The following BABAM2 variants were observed in gnomAD, a reference collection of about 807,000 sequenced individuals.
BABAM2 encodes BRISC and BRCA1 A complex member 2, also known as BRISC and BRCA1-A complex member 2.
A neutral mutation model predicts 54.7 loss-of-function variants in BABAM2; 31 were observed. That is an observed-to-expected ratio of 0.57 (90% CI 0.43 to 0.77). The LOEUF is 0.77. Among genes scored for constraint, BABAM2 ranks in the 30% least tolerant of loss-of-function variants. BABAM2 has a pLI of 0.00. For synonymous variants in BABAM2, 167 were observed against 162.9 expected (o/e 1.03, Z -0.19); for missense variants, 364 against 455.8 (o/e 0.80, Z 1.83).
At chr2:28,309,489 C>T (rs1005559725) in intron 11 of BABAM2, 9 of 152,110 alleles carry the variant, frequency 5.9e-5, no homozygotes, top group African/African-American at 1.9e-4. Context: ...CTGCCTACTA[C>T]GTGGGATAAT....
chr2:28,106,412 T>C (rs1667529866), intron 6 of BABAM2, among the ~76,000 whole-genome samples: 1 of 152,166 alleles, frequency 6.6e-6, no homozygotes, highest in African/African-American at 2.4e-5. Context: ...GGTTCAGAAT[T>C]CAGTTTAGAA....
intron 7 of BABAM2, among the ~76,000 whole-genome samples, chr2:28,184,507 T>C (rs1280959312): frequency 7.7e-6 from 1 of 129,728 alleles, no homozygotes; most frequent in Non-Finnish European, 1.6e-5. Flanking sequence ...GGCCCCGGTA[T>C]GTGATGTTCC....
intron 6 of BABAM2, among the ~76,000 whole-genome samples, chr2:28,082,534 C>G (rs1015991804): frequency 6.6e-6 from 1 of 152,138 alleles, no homozygotes; most frequent in African/African-American, 2.4e-5. Flanking sequence ...AATCTAATAC[C>G]TGTCTCACAG....
In BABAM2 at chr2:28,226,846, T is replaced by C. The variant is rs182627823; in HGVS notation, c.681-10356T>C. On this transcript the variant is annotated intron_variant, in intron 7 of 11. Coordinates refer to ENST00000379624, the MANE Select transcript of BABAM2 (RefSeq NM_199191.3). ...AAGTTCAGTAGGTTCTGAGCCCTGC[T>C]CTCAGTGGGCGCCTCTTAGGCCAAC... Among the ~76,000 whole-genome samples the C allele has an allele frequency of 7.0e-3, 1,056 of 151,698 alleles. 6 individuals carry two copies. The highest frequency in any genetic ancestry group is 0.017 in the Middle Eastern group (5 of 290).
At chr2:28,258,615 C>CTT (rs70956008) in intron 10 of BABAM2, among the ~76,000 whole-genome samples, 4 of 100,040 alleles carry the variant, frequency 4.0e-5, no homozygotes, top group Admixed American at 2.6e-4. Flanking sequence ...TTTTTCTTTT[C>CTT]TTTTTTTTTT....
intron 11 of BABAM2, among the ~76,000 whole-genome samples, chr2:28,315,472 TTTTCTTTTCTTTTCG>T (rs1689470081): frequency 1.0e-5 from 1 of 99,536 alleles, no homozygotes; most frequent in African/African-American, 3.5e-5. Flanking sequence ...TTTTCTTTTC[TTTTCTTTTCTTTTCG>T]AGACAGAGTC....
intron 5 of BABAM2, among the ~76,000 whole-genome samples, chr2:28,044,053 A>G (rs1677356336): frequency 6.6e-6 from 1 of 152,164 alleles, no homozygotes; most frequent in Non-Finnish European, 1.5e-5. Context: ...GGTTAGGCTT[A>G]TGGTAATGAA....
chr2:28,194,664 C>T (rs1573808066), intron 7 of BABAM2, among the ~76,000 whole-genome samples: 1 of 142,826 alleles, frequency 7.0e-6, no homozygotes, highest in South Asian at 2.3e-4. Flanking sequence ...TCATTGCAAC[C>T]TCCGCCTCCT....
At chr2:27,892,824 T>G (rs1428834592) in intron 1 of BABAM2, among the ~76,000 whole-genome samples, 1 of 152,168 alleles carries the variant, frequency 6.6e-6, no homozygotes, top group Non-Finnish European at 1.5e-5. Flanking sequence ...GGGGCGGTCA[T>G]CTGTTAAGCG....
chr2:28,189,986 C>A (rs1053666788), intron 7 of BABAM2, among the ~76,000 whole-genome samples: 69 of 151,884 alleles, frequency 4.5e-4, no homozygotes, highest in Non-Finnish European at 2.9e-5. Context: ...AGAAATAGAC[C>A]CACACATCTA....
At chr2:28,018,645 T>C (rs530474621) in intron 4 of BABAM2, among the ~76,000 whole-genome samples, 1 of 152,304 alleles carries the variant, frequency 6.6e-6, no homozygotes, top group Non-Finnish European at 1.5e-5. Flanking sequence ...TGTAAAAGTG[T>C]TCCCTTTTCA....
In BABAM2 at chr2:28,241,393, C is replaced by T. The variant is rs372205006; in HGVS notation, c.851C>T (p.Thr284Ile). The part of the protein sequence containing the change: ...YIAAFLSHFG[T>I]GVVEYDAEGF... The stretch of plus-strand genomic sequence containing the variant: ...GCTGCTTTTCTCAGTCACTTTGGCA[C>T]GTAAGTTCTGCCCTGTTTGAACGAT... Residue 284 changes from threonine to isoleucine, a missense_variant and splice_region_variant, in exon 9 of 12, where the codon ACA becomes ATA. Coordinates refer to ENST00000379624, the MANE Select transcript of BABAM2 (RefSeq NM_199191.3). 1.8e-5 allele frequency: 29 copies of T among 1,613,522 alleles called. No individual in the cohort carries two copies. Among genetic ancestry groups the T allele is most frequent in the East Asian group, 4.5e-5 (2 of 44,872 alleles).
chr2:28,008,886 T>C (rs1186366199), intron 4 of BABAM2, among the ~76,000 whole-genome samples: 1 of 152,022 alleles, frequency 6.6e-6, no homozygotes, highest in African/African-American at 2.4e-5. Flanking sequence ...AAGATGTTCT[T>C]CCCCCCTGGA....
At chr2:28,016,617 A>G (rs569931344) in intron 4 of BABAM2, 185 of 486,884 alleles carry the variant, frequency 3.8e-4, no homozygotes, top group African/African-American at 2.8e-3. Flanking sequence ...TTAGACTGCA[A>G]TGAACAGCTT....
At chr2:28,295,969 C>A (rs532262179) in intron 10 of BABAM2, among the ~76,000 whole-genome samples, 2 of 152,078 alleles carry the variant, frequency 1.3e-5, no homozygotes, top group African/African-American at 4.8e-5. Context: ...ATTAGCCGAA[C>A]GTGGTGGCAG....
At chr2:28,142,546 T>C (rs1671156015) in intron 7 of BABAM2, among the ~76,000 whole-genome samples, 1 of 152,140 alleles carries the variant, frequency 6.6e-6, no homozygotes, top group Admixed American at 6.6e-5. Context: ...TAATCCCTCC[T>C]CTCCCTACTC....
At chr2:27,981,509 A>G (rs1221697594) in intron 3 of BABAM2, among the ~76,000 whole-genome samples, 2 of 152,110 alleles carry the variant, frequency 1.3e-5, no homozygotes, top group Non-Finnish European at 1.5e-5. Context: ...GTCGCTTCCC[A>G]TTCTCCTGTT....
At chr2:28,275,404 C>T (rs941777593) in intron 10 of BABAM2, among the ~76,000 whole-genome samples, 1 of 152,190 alleles carries the variant, frequency 6.6e-6, no homozygotes, top group Non-Finnish European at 1.5e-5. Flanking sequence ...GTATAAGCCT[C>T]ATGCAGGTCA....
chr2:28,053,718 A>G (rs1243040748), intron 6 of BABAM2, among the ~76,000 whole-genome samples: 1 of 152,100 alleles, frequency 6.6e-6, no homozygotes, highest in Non-Finnish European at 1.5e-5. Flanking sequence ...AGGGAAAAAT[A>G]CACTCTAGTT....
Sources: gnomAD v4.1 joint callset for allele counts (sites outside exome capture counted in the v4.1 genomes callset) on GRCh38, gnomAD v4.1.1 for gene constraint, MANE v1.5 for transcripts, NCBI Gene and HGNC (gene_info 2026-07-23, HGNC 2026-07-21) for gene names.